Variants in DRC8 observed in about 807,000 individuals in gnomAD.
DRC8 encodes dynein regulatory complex subunit 8.
the DRC8 span, chr1:244,970,165 A>G: frequency 7.2e-6 from 5 of 699,192 alleles, no homozygotes; most frequent in African/African-American, 1.8e-5. Flanking sequence ...TCGGGTCTGG[A>G]GGGACAAGGC....
At chr1:244,977,581 C>T in the DRC8 span, among the ~76,000 whole-genome samples, 1 of 151,964 alleles carries the variant, frequency 6.6e-6, no homozygotes, top group Non-Finnish European at 1.5e-5. Context: ...CTTTGGAGCC[C>T]CCATCCCTCT....
the DRC8 span, among the ~76,000 whole-genome samples, chr1:245,061,408 A>G: frequency 6.6e-6 from 1 of 152,200 alleles, no homozygotes; most frequent in South Asian, 2.1e-4. Flanking sequence ...TTTTAGGGAC[A>G]TGACACAACC....
At chr1:245,071,329 A>G in the DRC8 span, among the ~76,000 whole-genome samples, 1 of 152,206 alleles carries the variant, frequency 6.6e-6, no homozygotes, top group African/African-American at 2.4e-5. Flanking sequence ...GAGAGCCTCA[A>G]TCTTCTTAGA....
chr1:244,981,459 T>A, the DRC8 span, among the ~76,000 whole-genome samples: 1 of 152,134 alleles, frequency 6.6e-6, no homozygotes, highest in East Asian at 1.9e-4. Flanking sequence ...CTGGGCTGAA[T>A]GTTTTACGTG....
chr1:245,087,606 G>T, the DRC8 span: 2 of 1,090,570 alleles, frequency 1.8e-6, no homozygotes, highest in Non-Finnish European at 2.2e-6. Context: ...CATTAGAATG[G>T]ATTGTTGTTT....
At chr1:245,084,185 G>A in the DRC8 span, among the ~76,000 whole-genome samples, 1 of 149,730 alleles carries the variant, frequency 6.7e-6, no homozygotes, top group Non-Finnish European at 1.5e-5. Flanking sequence ...GGGTTCAAGT[G>A]ATTCTCCTGC....
At chr1:245,014,591 C>T in the DRC8 span, among the ~76,000 whole-genome samples, 3 of 147,668 alleles carry the variant, frequency 2.0e-5, no homozygotes, top group Admixed American at 1.4e-4. Context: ...ATAACATTTA[C>T]GTGAAGTAAT....
chr1:245,008,852 T>G, the DRC8 span, among the ~76,000 whole-genome samples: 1 of 151,038 alleles, frequency 6.6e-6, no homozygotes, highest in African/African-American at 2.4e-5. Context: ...TTTAAAAAAT[T>G]TTGTGTGTGT....
At chr1:245,076,449 A>G in the DRC8 span, among the ~76,000 whole-genome samples, 1 of 152,332 alleles carries the variant, frequency 6.6e-6, no homozygotes, top group Non-Finnish European at 1.5e-5. Flanking sequence ...AAGAAAGGTA[A>G]TGTCTTTTTT....
the DRC8 span, among the ~76,000 whole-genome samples, chr1:245,047,149 G>A: frequency 6.6e-6 from 1 of 152,168 alleles, no homozygotes; most frequent in African/African-American, 2.4e-5. Context: ...CAGCGTGGGG[G>A]TTTGGAGCAC....
At chr1:245,010,834 A>G in the DRC8 span, among the ~76,000 whole-genome samples, 3 of 151,780 alleles carry the variant, frequency 2.0e-5, no homozygotes, top group Non-Finnish European at 4.4e-5. Context: ...GGCACCCGCC[A>G]CCACACCTGG....
the DRC8 span, among the ~76,000 whole-genome samples, chr1:245,040,345 A>G: frequency 6.6e-6 from 1 of 152,148 alleles, no homozygotes; most frequent in Non-Finnish European, 1.5e-5. Flanking sequence ...TCTGCACCTG[A>G]GTCTTTTTCT....
At chr1:245,047,063 A>G in the DRC8 span, among the ~76,000 whole-genome samples, 5,275 of 152,124 alleles carry the variant, frequency 0.035, 329 homozygotes, top group African/African-American at 0.12. Flanking sequence ...GCAGGGAGCC[A>G]CTCGCAGTGC....
chr1:245,116,356 C>G, the DRC8 span, among the ~76,000 whole-genome samples: 1 of 152,116 alleles, frequency 6.6e-6, no homozygotes, highest in African/African-American at 2.4e-5. Context: ...TCACTGCACT[C>G]CAGCCTGGGC....
chr1:245,092,883 T>A, the DRC8 span, among the ~76,000 whole-genome samples: 1 of 152,104 alleles, frequency 6.6e-6, no homozygotes. Context: ...AGAGAGACCT[T>A]GTCTCAAAAA....
At chr1:245,002,105 G>A in the DRC8 span, 7 of 1,581,718 alleles carry the variant, frequency 4.4e-6, no homozygotes. Context: ...CTCTTCATGT[G>A]TCTCCTTTAT....
the DRC8 span, among the ~76,000 whole-genome samples, chr1:245,079,864 G>A: frequency 2.6e-5 from 4 of 152,314 alleles, no homozygotes; most frequent in African/African-American, 7.2e-5. Context: ...CCTGAGGTGG[G>A]GAGTTGCAGA....
At chr1:245,002,100 C>A in the DRC8 span, 1 of 1,569,750 alleles carries the variant, frequency 6.4e-7, no homozygotes, top group Non-Finnish European at 8.7e-7. Flanking sequence ...AAGTACTCTT[C>A]ATGTGTCTCC....
chr1:245,082,798 G>C, the DRC8 span, among the ~76,000 whole-genome samples: 1 of 152,154 alleles, frequency 6.6e-6, no homozygotes, highest in East Asian at 1.9e-4. Context: ...TCCACCTCCT[G>C]GGTTCAAGCA....
Sources: allele counts gnomAD v4.1 joint callset (sites outside exome capture counted in the v4.1 genomes callset), GRCh38; gene constraint gnomAD v4.1.1; transcripts MANE v1.5; gene names NCBI Gene and HGNC (gene_info 2026-07-23, HGNC 2026-07-21).